Variants in PHF24 observed in about 807,000 individuals in gnomAD.
The protein encoded by PHF24 is Galpha inhibitory interacting protein.
In PHF24, 25 loss-of-function variants were observed where a neutral mutation model predicts 42.6. That is an observed-to-expected ratio of 0.59 (90% CI 0.43 to 0.82). The LOEUF (loss-of-function observed/expected upper bound fraction) is 0.82, where lower values mean the gene tolerates loss of function less well. Ranked by LOEUF, PHF24 falls within the 40% of genes least tolerant of loss-of-function variation. The pLI is 0.00. For missense variants in PHF24, 470 were observed against 538.1 expected (o/e 0.87, Z 1.25); for synonymous variants, 185 against 204.8 (o/e 0.90, Z 0.83).
At chr9:34,939,136 CG>C in the PHF24 span, among the ~76,000 whole-genome samples, 1 of 151,874 alleles carries the variant, frequency 6.6e-6, no homozygotes, top group East Asian at 1.9e-4. Context: ...CAAAACTCAC[CG>C]GCCGTGGTGG....
At chr9:34,846,274 T>A in the PHF24 span, among the ~76,000 whole-genome samples, 45 of 152,312 alleles carry the variant, frequency 3.0e-4, no homozygotes, top group Non-Finnish European at 5.6e-4. Flanking sequence ...TTTCCCGACT[T>A]TTTAATGATT....
chr9:34,776,570 A>G, the PHF24 span, among the ~76,000 whole-genome samples: 2 of 152,170 alleles, frequency 1.3e-5, no homozygotes, highest in Admixed American at 6.5e-5. Flanking sequence ...CTATCTCTTT[A>G]GCAAATTTCT....
the PHF24 span, among the ~76,000 whole-genome samples, chr9:34,767,685 G>A: frequency 3.9e-5 from 6 of 152,302 alleles, no homozygotes; most frequent in East Asian, 3.9e-4. Flanking sequence ...GCCCTGCTTC[G>A]GCTCGCGCAT....
chr9:34,878,977 C>A, the PHF24 span, among the ~76,000 whole-genome samples: 17 of 152,322 alleles, frequency 1.1e-4, no homozygotes, highest in South Asian at 3.5e-3. Flanking sequence ...CGACTGACAC[C>A]TCATACAGCC....
the PHF24 span, among the ~76,000 whole-genome samples, chr9:34,719,788 C>T: frequency 2.0e-5 from 3 of 152,188 alleles, no homozygotes; most frequent in Non-Finnish European, 4.4e-5. Flanking sequence ...TGGCTGCCTG[C>T]CCCACTCCCA....
chr9:34,725,847 A>AG, the PHF24 span: 1 of 1,551,670 alleles, frequency 6.4e-7, no homozygotes, highest in East Asian at 2.4e-5. Flanking sequence ...GGATCCTTCA[A>AG]GGGGGGCTTG....
At chr9:34,926,947 G>GTCTT in the PHF24 span, among the ~76,000 whole-genome samples, 6 of 152,010 alleles carry the variant, frequency 3.9e-5, no homozygotes, top group African/African-American at 1.4e-4. This position sits in a 1 kb window ranked among gnomAD's most constrained non-coding sequence, Gnocchi z 4.3. Context: ...TATTTCCCAG[G>GTCTT]TCTTTATGGG....
At chr9:34,777,691 GC>G in the PHF24 span, among the ~76,000 whole-genome samples, 1 of 152,234 alleles carries the variant, frequency 6.6e-6, no homozygotes, top group Non-Finnish European at 1.5e-5. Context: ...GGATGTGGTA[GC>G]CCATGGTAGC....
At chr9:34,971,327 C>T (rs766451660) in exon 2 of PHF24, 1 of 1,609,986 alleles carries the variant, frequency 6.2e-7, no homozygotes, top group Non-Finnish European at 8.5e-7. Context: ...AAGCGGCAGA[C>T]AGTGGAGCAG....
the PHF24 span, chr9:34,835,490 A>C: frequency 9.7e-6 from 15 of 1,551,862 alleles, no homozygotes; most frequent in African/African-American, 8.2e-5. Flanking sequence ...CATCGGATGC[A>C]TCCGGTTCAG....
chr9:34,723,825 G>C, the PHF24 span: 1 of 1,551,728 alleles, frequency 6.4e-7, no homozygotes, highest in Non-Finnish European at 8.7e-7. Flanking sequence ...TGACTGTCTT[G>C]CAGGTCCTTC....
the PHF24 span, among the ~76,000 whole-genome samples, chr9:34,904,721 G>A: frequency 6.8e-6 from 1 of 146,672 alleles, no homozygotes; most frequent in South Asian, 2.3e-4. Flanking sequence ...TTTGGTCTTA[G>A]AGTGATGCCA....
At chr9:34,933,630 CAGA>C in the PHF24 span, among the ~76,000 whole-genome samples, 248 of 150,548 alleles carry the variant, frequency 1.6e-3, no homozygotes, top group African/African-American at 5.1e-3. Flanking sequence ...GAGGCTGAGA[CAGA>C]AGAATGGCGT....
chr9:34,842,098 T>G, the PHF24 span, among the ~76,000 whole-genome samples: 3 of 152,232 alleles, frequency 2.0e-5, no homozygotes, highest in African/African-American at 4.8e-5. Context: ...TATGTATACA[T>G]TTATGTCTGG....
the PHF24 span, among the ~76,000 whole-genome samples, chr9:34,807,910 T>C: frequency 2.0e-5 from 3 of 151,950 alleles, no homozygotes; most frequent in Admixed American, 6.5e-5. Flanking sequence ...TAAACAAATA[T>C]GTAAGTACCA....
chr9:34,941,574 T>C, the PHF24 span, among the ~76,000 whole-genome samples: 1 of 152,164 alleles, frequency 6.6e-6, no homozygotes, highest in Non-Finnish European at 1.5e-5. Context: ...TATAGCAAAA[T>C]ATCATAAAAT....
At chr9:34,867,090 T>TG in the PHF24 span, among the ~76,000 whole-genome samples, 1 of 152,186 alleles carries the variant, frequency 6.6e-6, no homozygotes, top group Non-Finnish European at 1.5e-5. Flanking sequence ...CTTCAGCCTC[T>TG]GGGGGTCTGG....
chr9:34,816,195 G>A, the PHF24 span, among the ~76,000 whole-genome samples: 13 of 151,852 alleles, frequency 8.6e-5, no homozygotes, highest in Non-Finnish European at 1.3e-4. Flanking sequence ...ACCATCCTGT[G>A]CTGAAAATAC....
the PHF24 span, among the ~76,000 whole-genome samples, chr9:34,812,165 G>A: frequency 6.6e-6 from 1 of 152,148 alleles, no homozygotes; most frequent in Admixed American, 6.5e-5. Flanking sequence ...TTGAGCCTAG[G>A]ACTTTGAGAT....
Sources: allele counts gnomAD v4.1 joint callset (sites outside exome capture counted in the v4.1 genomes callset), GRCh38; gene constraint gnomAD v4.1.1; non-coding constraint Gnocchi (gnomAD v3.1); transcripts MANE v1.5; gene names NCBI Gene and HGNC (gene_info 2026-07-23, HGNC 2026-07-21).